SPATA6L: variants seen among roughly 807,000 people sequenced by gnomAD.
SPATA6L encodes the protein spermatogenesis associated 6-like protein.
In SPATA6L, 68 loss-of-function variants were observed where a neutral mutation model predicts 49.2. The ratio of observed to expected loss-of-function variants is 1.38; its 90% CI spans 1.14 to 1.69. The LOEUF (loss-of-function observed/expected upper bound fraction) is 1.69, where lower values mean the gene tolerates loss of function less well. Among genes scored for constraint, SPATA6L ranks in the 40% most tolerant of loss-of-function variants. SPATA6L has a pLI of 0.00. For missense variants in SPATA6L, 668 were observed against 464.3 expected (o/e 1.44, Z -4.03); for synonymous variants, 198 against 165.7 (o/e 1.19, Z -1.50).
In SPATA6L at chr9:4,662,534, C is replaced by T. The variant is rs755749721; in HGVS notation, c.40-498G>A. 2.1e-5 allele frequency: 33 copies of T among 1,567,436 alleles called. No homozygotes were observed. The Middle Eastern group carries it at 8.8e-4, about 42-fold the overall frequency. On this transcript the variant is annotated intron_variant, in intron 1 of 11. Transcript: ENST00000682582. This position sits in a 1 kb window ranked among gnomAD's most constrained non-coding sequence, Gnocchi z 4.9. ...GCAGCCGCGCCACGGCCGTGGACCC[C>T]ACCTGCGCCCGGCTCCGTGCATCGG...
intron 3 of SPATA6L, among the ~76,000 whole-genome samples, chr9:4,639,717 A>G (rs1833622387): frequency 1.3e-5 from 2 of 152,378 alleles, no homozygotes; most frequent in South Asian, 2.1e-4. Flanking sequence ...GACATCATCA[A>G]TGGCATCAAC....
At chr9:4,592,398 C>T (rs938654183) in intron 13 of SPATA6L, among the ~76,000 whole-genome samples, 7 of 151,954 alleles carry the variant, frequency 4.6e-5, no homozygotes, top group African/African-American at 1.7e-4. Flanking sequence ...ATGTGGCAAG[C>T]AGTGCTCTTA....
At chr9:4,642,219 C>T (rs1032554799) in intron 3 of SPATA6L, among the ~76,000 whole-genome samples, 5 of 151,884 alleles carry the variant, frequency 3.3e-5, no homozygotes, top group African/African-American at 1.2e-4. Flanking sequence ...TAAATAAGAC[C>T]AAAGTGGGCA....
intron 5 of SPATA6L, chr9:4,625,884 C>G (rs1295790820): frequency 1.1e-5 from 2 of 182,976 alleles, no homozygotes; most frequent in East Asian, 1.5e-4. Flanking sequence ...ATAGAGGGGT[C>G]TAGCAATTTC....
Position 4,635,266 on chromosome 9 carries a change from A to C in SPATA6L, c.351+9T>G. On this transcript the variant is annotated intron_variant, in intron 4 of 11. Transcript: ENST00000682582. ...CTAATAGAAGCCCAGATGAGCATGA[A>C]TCACTTACTGGAAAACCCAGAGCCG... 1 of 1,510,102 alleles carries C rather than the reference A, an allele frequency of 6.6e-7. No individual in the cohort carries two copies. Among genetic ancestry groups the C allele is most frequent in the African/African-American group, 1.5e-5 (1 of 68,342 alleles). 93.5% of individuals were successfully genotyped at this position (1,510,102 alleles called of 1,614,324 possible).
rs976319314 is a variant in SPATA6L at position 4,662,304 on chromosome 9, C to A, written c.40-268G>T. 1 of 1,435,394 alleles carries A rather than the reference C, an allele frequency of 7.0e-7. No homozygotes were observed. Among genetic ancestry groups the A allele is most frequent in the Admixed American group, 2.9e-5 (1 of 35,018 alleles). 88.9% of individuals were successfully genotyped at this position (1,435,394 alleles called of 1,614,324 possible). A position where few individuals can be genotyped will look rare whatever the true frequency, so the allele number is the denominator to read the frequency against. ...CCCCTCCGGGATGGTAGTGCGGAAG[C>A]GGAAGAGGCTGCAGGGCCGGGAAGC... On this transcript the variant is annotated intron_variant, in intron 1 of 11. Coordinates refer to ENST00000682582, the MANE Select transcript of SPATA6L (RefSeq NM_001353486.2). This position sits in a 1 kb window ranked among gnomAD's most constrained non-coding sequence, Gnocchi z 4.9.
intron 5 of SPATA6L, chr9:4,626,502 C>T (rs1306445659): frequency 1.5e-6 from 2 of 1,304,384 alleles, no homozygotes; most frequent in Non-Finnish European, 2.0e-6. Context: ...TCAGTTTCTT[C>T]TTTAAGCTTC....
intron 2 of SPATA6L, among the ~76,000 whole-genome samples, chr9:4,659,624 A>G (rs952782890): frequency 2.0e-5 from 3 of 152,222 alleles, no homozygotes; most frequent in African/African-American, 4.8e-5. Flanking sequence ...TATAGACTCA[A>G]TGCCATCCCC....
intron 3 of SPATA6L, 36 bp downstream of exon 3, chr9:4,656,005 C>T (rs1563713598): frequency 1.9e-6 from 3 of 1,544,582 alleles, no homozygotes; most frequent in Non-Finnish European, 2.7e-6. Flanking sequence ...ACACAATAGT[C>T]TTTTGGTTTT....
At chr9:4,642,516 A>G (rs1231654024) in intron 3 of SPATA6L, among the ~76,000 whole-genome samples, 1 of 152,218 alleles carries the variant, frequency 6.6e-6, no homozygotes, top group East Asian at 1.9e-4. Context: ...AGCCTTTGCC[A>G]AAGAACCAAG....
At chr9:4,601,043 T>C (rs1823113184) in intron 11 of SPATA6L, among the ~76,000 whole-genome samples, 1 of 152,242 alleles carries the variant, frequency 6.6e-6, no homozygotes, top group African/African-American at 2.4e-5. Context: ...ATCAGGATGA[T>C]GACAGAGTAT....
chr9:4,662,168 A>T lies in SPATA6L; in HGVS notation c.40-132T>A. 1 of 1,456,274 alleles carries T rather than the reference A, an allele frequency of 6.9e-7. No homozygotes were observed. The highest frequency in any genetic ancestry group is 9.0e-7 in the Non-Finnish European group (1 of 1,106,602). 90.2% of individuals were successfully genotyped at this position (1,456,274 alleles called of 1,614,324 possible). On this transcript the variant is annotated intron_variant, in intron 1 of 11. Transcript: ENST00000682582. This position sits in a 1 kb window ranked among gnomAD's most constrained non-coding sequence, Gnocchi z 4.9. The stretch of plus-strand genomic sequence containing the variant: ...CCCATCACCTCACTCCCTCACCTGT[A>T]CCTCCCAACGCCAACATCCTCCCCT...
chr9:4,610,015 G>A (rs1826283408), intron 9 of SPATA6L, among the ~76,000 whole-genome samples: 1 of 151,678 alleles, frequency 6.6e-6, no homozygotes, highest in Admixed American at 6.6e-5. Context: ...GACAAACAGA[G>A]AGCCAAATCA....
Position 4,662,729 on chromosome 9 carries a change from G to A in SPATA6L, c.40-693C>T. The A allele has an allele frequency of 6.2e-7, 1 of 1,602,970 alleles. No homozygotes were observed. Among genetic ancestry groups the A allele is most frequent in the Non-Finnish European group, 8.5e-7 (1 of 1,179,934 alleles). The stretch of plus-strand genomic sequence containing the variant: ...ACCTGTGGCTGTCCAAGAAGCTGGG[G>A]GTGTGCGCGGGAGAGAGCTCGTCGT... On this transcript the variant is annotated intron_variant, in intron 1 of 11. Transcript: ENST00000682582. The surrounding 1 kb of genome is among the most constrained non-coding windows in gnomAD (Gnocchi z 4.9).
Position 4,611,565 on chromosome 9 carries a change from G to A in SPATA6L, c.996-6125C>T, listed in dbSNP as rs374511734. Among the ~76,000 whole-genome samples, 372 of 145,136 alleles carry A rather than the reference G, an allele frequency of 2.6e-3. 5 individuals are homozygous for A. Among genetic ancestry groups the A allele is most frequent in the East Asian group, 0.016 (80 of 4,976 alleles). The stretch of plus-strand genomic sequence containing the variant: ...TCGCAAGAACAAAAAACCAAACACC[G>A]CATATTCTCACTCATAGGTGGGAAT... On this transcript the variant is annotated intron_variant, in intron 9 of 11. Transcript: ENST00000682582.
At chr9:4,605,249 T>C (rs1824455653) in intron 10 of SPATA6L, 98 bp downstream of exon 10, 4 of 886,178 alleles carry the variant, frequency 4.5e-6, no homozygotes, top group South Asian at 4.5e-5. Context: ...CTTATTTCTG[T>C]GGTTATTTGA....
intron 11 of SPATA6L, among the ~76,000 whole-genome samples, chr9:4,601,941 C>T (rs747078076): frequency 1.3e-5 from 2 of 152,160 alleles, no homozygotes; most frequent in Non-Finnish European, 2.9e-5. Context: ...GCCAGAGTCA[C>T]TTGGGTTTTT....
chr9:4,627,016 T>C (rs922574431), intron 5 of SPATA6L: 1 of 152,394 alleles, frequency 6.6e-6, no homozygotes, highest in Non-Finnish European at 1.5e-5. Context: ...CCTTTTTGCT[T>C]ATTTATCTTT....
At chr9:4,625,152 G>A in intron 6 of SPATA6L, 175 bp downstream of exon 6, 1 of 1,220,024 alleles carries the variant, frequency 8.2e-7, no homozygotes, top group East Asian at 2.7e-5. Flanking sequence ...CTTTCTAGGG[G>A]TTTCCTGACA....
Sources: gnomAD v4.1 joint callset for allele counts (sites outside exome capture counted in the v4.1 genomes callset) on GRCh38, gnomAD v4.1.1 for gene constraint, Gnocchi (gnomAD v3.1) non-coding constraint, MANE v1.5 for transcripts, NCBI Gene and HGNC (gene_info 2026-07-23, HGNC 2026-07-21) for gene names.